The following PCSK5 variants were observed in gnomAD, a reference collection of about 807,000 sequenced individuals.
PCSK5 encodes proprotein convertase subtilisin/kexin type 5.
A neutral mutation model predicts 233.2 loss-of-function variants in PCSK5; 129 were observed. The ratio of observed to expected loss-of-function variants is 0.55; its 90% CI spans 0.48 to 0.64. The LOEUF is 0.64. PCSK5 is among the 30% of genes least tolerant of loss of function. The probability of loss-of-function intolerance (pLI) is 0.00; values close to 1 mark genes in which losing one functional copy is unlikely to be tolerated. For missense variants in PCSK5, 2,076 were observed against 2,430.1 expected (o/e 0.85, Z 3.06); for synonymous variants, 825 against 879.2 (o/e 0.94, Z 1.09).
chr9:76,151,876 ATTTTCTGTTGC>A (rs1823686753), intron 10 of PCSK5, among the ~76,000 whole-genome samples: 2 of 152,194 alleles, frequency 1.3e-5, no homozygotes, highest in African/African-American at 2.4e-5. Flanking sequence ...AACACAAATT[ATTTTCTGTTGC>A]ATTTGGATCT....
At chr9:76,340,355 T>A (rs540137089) in intron 35 of PCSK5, among the ~76,000 whole-genome samples, 1 of 152,132 alleles carries the variant, frequency 6.6e-6, no homozygotes, top group Non-Finnish European at 1.5e-5. Context: ...AGCTATAAGA[T>A]CTTCAAATAG....
chr9:75,953,877 G>A (rs1824978299), intron 2 of PCSK5, among the ~76,000 whole-genome samples: 1 of 152,028 alleles, frequency 6.6e-6, no homozygotes, highest in African/African-American at 2.4e-5. Flanking sequence ...AGTAGAGATG[G>A]CATTTTACTT....
chr9:75,919,422 C>T (rs1413219166), intron 1 of PCSK5, among the ~76,000 whole-genome samples: 1 of 152,138 alleles, frequency 6.6e-6, no homozygotes, highest in African/African-American at 2.4e-5. Context: ...CAGTCATGTA[C>T]AAGTTTTTGA....
intron 3 of PCSK5, among the ~76,000 whole-genome samples, chr9:75,993,715 A>C (rs1826873213): frequency 6.6e-6 from 1 of 152,222 alleles, no homozygotes; most frequent in Non-Finnish European, 1.5e-5. Context: ...CAGCAGAAAG[A>C]AAACGCACAT....
intron 26 of PCSK5, among the ~76,000 whole-genome samples, chr9:76,295,734 A>C (rs919471408): frequency 6.6e-6 from 1 of 152,172 alleles, no homozygotes; most frequent in Non-Finnish European, 1.5e-5. Flanking sequence ...GCATATTGAG[A>C]GCTCTGACCC....
chr9:75,975,925 T>TG (rs1563949315), intron 2 of PCSK5, among the ~76,000 whole-genome samples: 1 of 152,262 alleles, frequency 6.6e-6, no homozygotes, highest in Non-Finnish European at 1.5e-5. Flanking sequence ...GGAGTGAAGC[T>TG]GGGGGGAATT....
intron 34 of PCSK5, among the ~76,000 whole-genome samples, chr9:76,334,498 C>T (rs921927161): frequency 5.3e-5 from 8 of 152,054 alleles, no homozygotes; most frequent in South Asian, 2.1e-4. Context: ...TTTGGGAGGC[C>T]GAGGTGGGTG....
intron 3 of PCSK5, among the ~76,000 whole-genome samples, chr9:76,022,750 G>C (rs1256398043): frequency 6.6e-6 from 1 of 152,146 alleles, no homozygotes; most frequent in Non-Finnish European, 1.5e-5. Flanking sequence ...ATGAGCTCAG[G>C]TTCCATGTTT....
chr9:76,250,629 C>G (rs1292122788), intron 24 of PCSK5, among the ~76,000 whole-genome samples: 1 of 152,116 alleles, frequency 6.6e-6, no homozygotes. Flanking sequence ...TCAAAACTGT[C>G]CAGTTCATTA....
intron 2 of PCSK5, among the ~76,000 whole-genome samples, chr9:75,984,938 G>T (rs1044936693): frequency 2.0e-5 from 3 of 152,134 alleles, no homozygotes; most frequent in Non-Finnish European, 4.4e-5. Flanking sequence ...TAATTGAGCA[G>T]GTGAGAGAGG....
intron 5 of PCSK5, among the ~76,000 whole-genome samples, chr9:76,036,850 G>A (rs1249995788): frequency 6.6e-6 from 1 of 152,172 alleles, no homozygotes; most frequent in Non-Finnish European, 1.5e-5. Context: ...ATTCTTGTGC[G>A]GAGCACAAGC....
chr9:76,262,304 A>G (rs1406076369), intron 24 of PCSK5, among the ~76,000 whole-genome samples: 1 of 152,202 alleles, frequency 6.6e-6, no homozygotes. Flanking sequence ...ACCAAAAAAG[A>G]GCATGCATCA....
intron 24 of PCSK5, among the ~76,000 whole-genome samples, chr9:76,262,136 G>T (rs1827194771): frequency 6.6e-6 from 1 of 152,124 alleles, no homozygotes; most frequent in Admixed American, 6.5e-5. Context: ...GATATTGGCT[G>T]TGATGGAAGA....
chr9:76,362,908 G>A lies in PCSK5; in HGVS notation c.*3986G>A, dbSNP rs1027776823. The stretch of plus-strand genomic sequence containing the variant: ...TAAAAGGGACAGGAATTGCTCACTC[G>A]GGGAGCTCGGCTCTTGAGACAGGAG... On this transcript the variant is annotated 3_prime_UTR_variant, in exon 38 of 38. Coordinates refer to ENST00000674117, the MANE Select transcript of PCSK5 (RefSeq NM_001372043.1). 4.6e-5 allele frequency among the ~76,000 whole-genome samples: 7 copies of A among 152,140 alleles called. No individual in the cohort carries two copies. The highest frequency in any genetic ancestry group is 1.9e-4 in the East Asian group (1 of 5,190).
Position 75,891,377 on chromosome 9 carries a change from A to G in PCSK5, c.192+4A>G, listed in dbSNP as rs1161744276. 1 of 1,547,034 alleles carries G rather than the reference A, an allele frequency of 6.5e-7. No homozygotes were observed. On this transcript the variant is annotated splice_donor_region_variant and intron_variant, in intron 1 of 37. Transcript: ENST00000674117. ...CGGATTCATCAACATAGGACAGGTA[A>G]CGAACTACAGGCTAGCCCAGCCCTC... is the stretch of plus-strand genomic sequence containing the variant.
chr9:76,278,960 G>T (rs1827778127), intron 24 of PCSK5, among the ~76,000 whole-genome samples: 1 of 151,720 alleles, frequency 6.6e-6, no homozygotes. Context: ...TGTGCACATT[G>T]TGCAGGTTAG....
At chr9:76,331,175 T>C (rs536327388) in intron 33 of PCSK5, among the ~76,000 whole-genome samples, 2 of 152,272 alleles carry the variant, frequency 1.3e-5, no homozygotes, top group South Asian at 2.1e-4. Flanking sequence ...ATAAATTAGA[T>C]ACTTTTTTTG....
At chr9:75,967,139 CA>C (rs969315057) in intron 2 of PCSK5, among the ~76,000 whole-genome samples, 8 of 151,794 alleles carry the variant, frequency 5.3e-5, no homozygotes, top group Non-Finnish European at 8.8e-5. Context: ...ACTTTAGGTT[CA>C]GGGGGTGAAT....
At chr9:76,230,135 T>C (rs912902881) in intron 21 of PCSK5, among the ~76,000 whole-genome samples, 2 of 152,230 alleles carry the variant, frequency 1.3e-5, no homozygotes, top group Admixed American at 1.3e-4. Context: ...AATGGGATTT[T>C]TCTTCAAGTT....
Sources: gnomAD v4.1 joint callset for allele counts (sites outside exome capture counted in the v4.1 genomes callset) on GRCh38, gnomAD v4.1.1 for gene constraint, MANE v1.5 for transcripts, NCBI Gene and HGNC (gene_info 2026-07-23, HGNC 2026-07-21) for gene names.